The following PRKCB variants were observed in gnomAD, a reference collection of about 807,000 sequenced individuals.
PRKCB encodes the protein protein kinase C beta type.
In PRKCB, 13 loss-of-function variants were observed where a neutral mutation model predicts 81.5. The ratio of observed to expected loss-of-function variants is 0.16; its 90% CI spans 0.10 to 0.25. PRKCB has a LOEUF of 0.25. Among genes scored for constraint, PRKCB ranks in the 10% least tolerant of loss-of-function variants. The pLI, the probability that PRKCB is intolerant of heterozygous loss-of-function variation, is 1.00. For synonymous variants in PRKCB, 335 were observed against 321.4 expected, an observed-to-expected ratio of 1.04 and a Z score of -0.45; for missense variants, 509 against 875.7, an observed-to-expected ratio of 0.58 and a Z score of 5.29.
chr16:24,028,381 TCCAGGCCACAA>T (rs1283771160), intron 3 of PRKCB, among the ~76,000 whole-genome samples: 2 of 152,152 alleles, frequency 1.3e-5, no homozygotes, highest in Non-Finnish European at 2.9e-5. Context: ...GAGCCACTGC[TCCAGGCCACAA>T]ATTCACTTTT....
At chr16:23,849,512 A>G (rs1427244306) in intron 2 of PRKCB, among the ~76,000 whole-genome samples, 4 of 152,110 alleles carry the variant, frequency 2.6e-5, no homozygotes, top group African/African-American at 7.2e-5. Flanking sequence ...TTGCATGTGT[A>G]TGTGTGGATT....
chr16:23,918,410 T>A lies in PRKCB; in HGVS notation c.206-70098T>A, dbSNP rs1046095972. Among the ~76,000 whole-genome samples the A allele has an allele frequency of 2.0e-4, 31 of 151,926 alleles. No homozygotes were observed. The South Asian group carries it at 2.3e-3, about 11-fold the overall frequency. Reference sequence around the variant, plus strand: ...TATTATTATTATTATTATTTTTTTTTTTTTGAAATAGAGTTTCACTCTGTC... The same window carrying A: ...TATTATTATTATTATTATTTTTTTTATTTTGAAATAGAGTTTCACTCTGTC... On this transcript the variant is annotated intron_variant, in intron 2 of 16. Transcript: ENST00000643927.
chr16:23,848,101 G>A (rs1962409715), intron 2 of PRKCB, among the ~76,000 whole-genome samples: 1 of 152,150 alleles, frequency 6.6e-6, no homozygotes, highest in South Asian at 2.1e-4. Flanking sequence ...GCACATGCAG[G>A]GAACAGGAAG....
At chr16:24,193,460 T>TAAATAAATAAATAAATA (rs1967826723) in intron 16 of PRKCB, among the ~76,000 whole-genome samples, 1 of 88,516 alleles carries the variant, frequency 1.1e-5, no homozygotes, top group African/African-American at 3.7e-5. Flanking sequence ...AATAAATAAA[T>TAAATAAATAAATAAATA]AAATAAATAA....
intron 2 of PRKCB, among the ~76,000 whole-genome samples, chr16:23,975,387 G>C (rs995922079): frequency 5.3e-5 from 8 of 152,178 alleles, no homozygotes; most frequent in African/African-American, 1.9e-4. Flanking sequence ...GTGGCTCTGT[G>C]GCCTCTGCTT....
chr16:24,149,138 T>C (rs1192709104), intron 9 of PRKCB, among the ~76,000 whole-genome samples: 2 of 152,088 alleles, frequency 1.3e-5, no homozygotes, highest in South Asian at 2.1e-4. Flanking sequence ...TGGTCTAGCA[T>C]TGTGTCTTGG....
At chr16:23,874,971 T>G (rs1962970340) in intron 2 of PRKCB, among the ~76,000 whole-genome samples, 1 of 152,094 alleles carries the variant, frequency 6.6e-6, no homozygotes, top group Non-Finnish European at 1.5e-5. Context: ...TCTTCCAGCC[T>G]GATCACCCAT....
intron 10 of PRKCB, among the ~76,000 whole-genome samples, chr16:24,157,844 T>G (rs887348396): frequency 6.6e-6 from 1 of 151,702 alleles, no homozygotes; most frequent in Non-Finnish European, 1.5e-5. Flanking sequence ...ATTCTAAGTT[T>G]CCTGAGGCCT....
chr16:23,979,433 C>T (rs1358653932), intron 2 of PRKCB, among the ~76,000 whole-genome samples: 1 of 152,114 alleles, frequency 6.6e-6, no homozygotes, highest in African/African-American at 2.4e-5. Context: ...GATTTAGATC[C>T]TTTGTGTTTA....
At chr16:24,057,549 C>A (rs1596531048) in intron 5 of PRKCB, among the ~76,000 whole-genome samples, 1 of 152,248 alleles carries the variant, frequency 6.6e-6, no homozygotes, top group African/African-American at 2.4e-5. Context: ...GAATATGATT[C>A]TTTACACGCT....
intron 16 of PRKCB, among the ~76,000 whole-genome samples, chr16:24,193,439 C>T (rs1286385414): frequency 3.6e-5 from 4 of 112,594 alleles, no homozygotes; most frequent in African/African-American, 8.0e-5. Context: ...AGTGAGACTC[C>T]ATCTCAAATA....
At chr16:24,113,482 T>C (rs1966702898) in intron 8 of PRKCB, among the ~76,000 whole-genome samples, 1 of 149,384 alleles carries the variant, frequency 6.7e-6, no homozygotes, top group African/African-American at 2.5e-5. Context: ...TCTTCCTTTC[T>C]TCCTTCCTTC....
rs78845484 is a variant in PRKCB, at chr16:24,045,884, G to A, written c.529+10337G>A. ...GGCCTTACCTGCGCTTGGCTCCTGCGCAGACCACCACAGGTGGATGTGCCA... is the reference window on the plus strand; with the variant it reads ...GGCCTTACCTGCGCTTGGCTCCTGCACAGACCACCACAGGTGGATGTGCCA... On this transcript the variant is annotated intron_variant, in intron 5 of 16. Transcript: ENST00000643927. 7.4e-4 allele frequency among the ~76,000 whole-genome samples: 112 copies of A among 152,328 alleles called. 2 individuals carry two copies. In the East Asian group the frequency reaches 0.021, roughly 28 times the overall value.
chr16:24,217,768 T>G lies in PRKCB; in HGVS notation c.*2952T>G, dbSNP rs1968253339. 13 of 984,956 alleles carry G rather than the reference T, an allele frequency of 1.3e-5. No homozygotes were observed. Among genetic ancestry groups the G allele is most frequent in the South Asian group, 4.7e-5 (1 of 21,268 alleles). The allele number at this position is 984,956 out of a possible 1,614,324, so 61.0% of individuals were successfully genotyped here. A position where few individuals can be genotyped will look rare whatever the true frequency, so the allele number is the denominator to read the frequency against. On this transcript the variant is annotated 3_prime_UTR_variant, in exon 17 of 17. Coordinates refer to ENST00000643927, the MANE Select transcript of PRKCB (RefSeq NM_002738.7). ...AGGGTTGATGAGACCAGGGGAGACC[T>G]AAAAAAAAGGCAGCTTTGTGTCTTC...
At chr16:23,988,057 T>C (rs1964825189) in intron 2 of PRKCB, among the ~76,000 whole-genome samples, 1 of 152,240 alleles carries the variant, frequency 6.6e-6, no homozygotes, top group Non-Finnish European at 1.5e-5. Flanking sequence ...CTGTCCCCTC[T>C]GTTTCCACAT....
intron 9 of PRKCB, among the ~76,000 whole-genome samples, chr16:24,154,199 T>C (rs1967119726): frequency 6.6e-6 from 1 of 152,166 alleles, no homozygotes; most frequent in Admixed American, 6.5e-5. Context: ...AAGTGCGAGG[T>C]CAGGGCTGGA....
At position 24,216,175 on chromosome 16, in the gene PRKCB, G is replaced by A; in HGVS notation, c.*1359G>A. The stretch of plus-strand genomic sequence containing the variant: ...GGGGCGGGGGCTGTGGCCCATTCAG[G>A]GGCTGCTGGTGGGCTGTAGTGGGGT... On this transcript the variant is annotated 3_prime_UTR_variant, in exon 17 of 17. Coordinates refer to ENST00000643927, the MANE Select transcript of PRKCB (RefSeq NM_002738.7). 1 of 985,440 alleles carries A rather than the reference G, an allele frequency of 1.0e-6. No individual in the cohort carries two copies. Among genetic ancestry groups the A allele is most frequent in the Non-Finnish European group, 1.2e-6 (1 of 830,006 alleles). The allele number at this position is 985,440 out of a possible 1,614,324, so 61.0% of individuals were successfully genotyped here. A position where few individuals can be genotyped will look rare whatever the true frequency, so the allele number is the denominator to read the frequency against.
chr16:24,154,888 C>T (rs1357422861), intron 10 of PRKCB, 31 bp downstream of exon 10: 1 of 1,601,378 alleles, frequency 6.2e-7, no homozygotes, highest in Admixed American at 1.7e-5. Context: ...GGGTATTCCA[C>T]CTCCAGGGCT....
At chr16:24,130,316 A>C (rs984223298) in intron 9 of PRKCB, among the ~76,000 whole-genome samples, 1 of 152,158 alleles carries the variant, frequency 6.6e-6, no homozygotes, top group African/African-American at 2.4e-5. Context: ...TTCCATGGGC[A>C]CCTGCGGGAG....
Sources: gnomAD v4.1 joint callset for allele counts (sites outside exome capture counted in the v4.1 genomes callset) on GRCh38, gnomAD v4.1.1 for gene constraint, MANE v1.5 for transcripts, NCBI Gene and HGNC (gene_info 2026-07-23, HGNC 2026-07-21) for gene names.